Variants in DSG3 observed in about 807,000 individuals in gnomAD.
The protein encoded by DSG3 is desmoglein 3.
A neutral mutation model predicts 85.9 loss-of-function variants in DSG3; 63 were observed. The ratio of observed to expected loss-of-function variants is 0.73; its 90% CI spans 0.60 to 0.90. The LOEUF (loss-of-function observed/expected upper bound fraction) is 0.90. Ranked by LOEUF, DSG3 falls within the 40% of genes least tolerant of loss-of-function variation. The pLI, the probability that DSG3 is intolerant of heterozygous loss-of-function variation, is 0.00. For missense variants in DSG3, 1,220 were observed against 1,219.9 expected (o/e 1.00, Z 0.00); for synonymous variants, 447 against 441.9 (o/e 1.01, Z -0.14).
In DSG3 at chr18:31,478,336, G is replaced by A. The variant is rs77344536; in HGVS notation, c.*2076G>A. On this transcript the variant is annotated 3_prime_UTR_variant, in exon 16 of 16. Transcript: ENST00000257189. ...CATAACCTTCATTTGAAGTTCAAAG[G>A]TGTATTCAGGATCCTCAAAGCATTT... is the stretch of plus-strand genomic sequence containing the variant. The A allele has an allele frequency of 3.8e-4, 58 of 152,280 alleles. No homozygotes were observed. The highest frequency in any genetic ancestry group is 1.3e-3 in the African/African-American group (55 of 41,570). 9.4% of individuals were successfully genotyped at this position (152,280 alleles called of 1,614,324 possible). A position where few individuals can be genotyped will look rare whatever the true frequency, so the allele number is the denominator to read the frequency against.
chr18:31,456,249 A>T (rs570787837), intron 1 of DSG3, among the ~76,000 whole-genome samples, 191 bp from the exon 2 acceptor site: 1 of 152,368 alleles, frequency 6.6e-6, no homozygotes, highest in Admixed American at 6.5e-5. Context: ...GAATGTGTTT[A>T]TATTGACAGT....
At chr18:31,466,441 G>A (rs1598783119) in intron 10 of DSG3, 89 bp from the exon 11 acceptor site, 1 of 1,129,984 alleles carries the variant, frequency 8.8e-7, no homozygotes, top group East Asian at 2.4e-5. Flanking sequence ...CACTGAGTTG[G>A]CTACAGAAAA....
chr18:31,472,643 A>G, intron 13 of DSG3, 82 bp from the exon 14 acceptor site: 1 of 1,445,128 alleles, frequency 6.9e-7, no homozygotes. Context: ...TCATTTACAA[A>G]TTTGCAAAGG....
chr18:31,475,917 A>T lies in DSG3; in HGVS notation c.2657A>T (p.His886Leu), dbSNP rs756269509. The change falls in exon 16 of 16, where the codon CAT becomes CTT. Residue 886 changes from histidine to leucine, a missense_variant. Coordinates refer to ENST00000257189, the MANE Select transcript of DSG3 (RefSeq NM_001944.3). ...GGTTATGGGATTGAATCCTGTGGCCATCCCATAGAAGTCCAGCAGACAGGA... is the reference window on the plus strand; with the variant it reads ...GGTTATGGGATTGAATCCTGTGGCCTTCCCATAGAAGTCCAGCAGACAGGA... ...DSGYGIESCG[H>L]PIEVQQTGFV... is the part of the protein sequence containing the mutation. 1.9e-6 allele frequency: 3 copies of T among 1,614,236 alleles called. No homozygotes were observed. In the Admixed American group the frequency reaches 5.0e-5, roughly 27 times the overall value.
intron 10 of DSG3, 85 bp from the exon 11 acceptor site, chr18:31,466,445 C>A: frequency 2.5e-6 from 3 of 1,221,978 alleles, no homozygotes; most frequent in South Asian, 1.3e-5. Context: ...GAGTTGGCTA[C>A]AGAAAAGAGA....
intron 11 of DSG3, among the ~76,000 whole-genome samples, chr18:31,467,068 C>T (rs967303844): frequency 4.6e-5 from 7 of 152,192 alleles, no homozygotes; most frequent in South Asian, 2.1e-4. Flanking sequence ...AGGTGGGGCA[C>T]GGTGGCTCAC....
intron 14 of DSG3, among the ~76,000 whole-genome samples, chr18:31,473,161 A>G (rs578178674): frequency 6.6e-6 from 1 of 152,242 alleles, no homozygotes; most frequent in Non-Finnish European, 1.5e-5. Flanking sequence ...CCACCACCCA[A>G]CTTTGTCTTT....
chr18:31,466,489 G>A (rs1406234000), intron 10 of DSG3, 41 bp from the exon 11 acceptor site: 1 of 1,567,106 alleles, frequency 6.4e-7, no homozygotes, highest in Non-Finnish European at 8.8e-7. Flanking sequence ...GTACAACTTT[G>A]TTCTATACAT....
chr18:31,476,844 A>C lies in DSG3; in HGVS notation c.*584A>C, dbSNP rs1360015999. The C allele has an allele frequency of 1.3e-5, 2 of 152,052 alleles. No homozygotes were observed. The highest frequency in any genetic ancestry group is 2.9e-5 in the Non-Finnish European group (2 of 68,010). The allele number at this position is 152,052 out of a possible 1,614,324, so 9.4% of individuals were successfully genotyped here. A position where few individuals can be genotyped will look rare whatever the true frequency, so the allele number is the denominator to read the frequency against. The stretch of plus-strand genomic sequence containing the variant: ...CGCAGTGGCGGGCGCCTGTAGTCCC[A>C]GCTACTCGGGAGGCTGAGGCAGGAG... On this transcript the variant is annotated 3_prime_UTR_variant, in exon 16 of 16. Transcript: ENST00000257189.
At chr18:31,465,605 G>C in intron 10 of DSG3, 148 bp downstream of exon 10, 2 of 716,878 alleles carry the variant, frequency 2.8e-6, no homozygotes, top group African/African-American at 3.7e-5. Flanking sequence ...GTTTGAGGCA[G>C]CTGAATCCGG....
At chr18:31,458,916 A>G in intron 4 of DSG3, 117 bp from the exon 5 acceptor site, 2 of 1,306,054 alleles carry the variant, frequency 1.5e-6, no homozygotes, top group Non-Finnish European at 2.1e-6. Context: ...CTTTGGGGAA[A>G]CATTTCTTCT....
intron 1 of DSG3, among the ~76,000 whole-genome samples, chr18:31,452,977 T>C (rs1307141059): frequency 2.0e-5 from 3 of 152,210 alleles, no homozygotes; most frequent in Non-Finnish European, 4.4e-5. Flanking sequence ...TTATTGGAAA[T>C]TGAATTCTTC....
chr18:31,464,410 T>C, intron 9 of DSG3, 28 bp downstream of exon 9: 1 of 1,580,312 alleles, frequency 6.3e-7, no homozygotes, highest in Non-Finnish European at 8.6e-7. Flanking sequence ...TATATCCTAT[T>C]TCTTGATGAG....
Position 31,456,998 on chromosome 18 carries a change from A to G in DSG3, c.90A>G (p.Lys30=), listed in dbSNP as rs2072746103. The G allele has an allele frequency of 1.2e-6, 2 of 1,604,500 alleles. No homozygotes were observed. Among genetic ancestry groups the G allele is most frequent in the Non-Finnish European group, 1.7e-6 (2 of 1,177,194 alleles). The change falls in exon 3 of 16, where the codon AAA becomes AAG. Residue 30 remains lysine (K), a synonymous_variant. Transcript: ENST00000257189. The part of the protein sequence containing the change: ...LVHGELRIET[K]GQYDEEEMTM... Reference sequence around the variant, plus strand: ...GGAATCCCTTTTTACATAAGACTAAAGGTCAATATGATGAAGAAGAGATGA... The same window carrying G: ...GGAATCCCTTTTTACATAAGACTAAGGGTCAATATGATGAAGAAGAGATGA...
At chr18:31,457,958 T>C (rs72925127) in intron 3 of DSG3, among the ~76,000 whole-genome samples, 10,462 of 152,072 alleles carry the variant, frequency 0.069, 799 homozygotes, top group African/African-American at 0.2. Flanking sequence ...TACATATATT[T>C]CACATTTTTC....
rs2072804405 is a variant in DSG3, at chr18:31,464,391, A to G, written c.1271+9A>G. 1.9e-6 allele frequency: 3 copies of G among 1,598,146 alleles called. No individual in the cohort carries two copies. The highest frequency in any genetic ancestry group is 2.3e-5 in the South Asian group (2 of 88,520). On this transcript the variant is annotated intron_variant, in intron 9 of 15. Coordinates refer to ENST00000257189, the MANE Select transcript of DSG3 (RefSeq NM_001944.3). The stretch of plus-strand genomic sequence containing the variant: ...GCTGCCTCAAATGTCAAGTAAGACT[A>G]TTTTTATTTATATCCTATTTCTTGA...
At position 31,464,406 on chromosome 18, in the gene DSG3, C is replaced by T. The variant is rs760569162; in HGVS notation, c.1271+24C>T. ...AAGTAAGACTATTTTTATTTATATCCTATTTCTTGATGAGGTTTTAATCTA... is the reference window on the plus strand; with the variant it reads ...AAGTAAGACTATTTTTATTTATATCTTATTTCTTGATGAGGTTTTAATCTA... On this transcript the variant is annotated intron_variant, in intron 9 of 15. Transcript: ENST00000257189. The T allele has an allele frequency of 2.0e-5, 31 of 1,583,894 alleles. No individual in the cohort carries two copies. The South Asian group carries it at 3.5e-4, about 18-fold the overall frequency.
chr18:31,457,940 T>G (rs968781243), intron 3 of DSG3, among the ~76,000 whole-genome samples: 2 of 152,198 alleles, frequency 1.3e-5, no homozygotes, highest in Admixed American at 1.3e-4. Context: ...GTTATACTGT[T>G]CTAACTTTAC....
At chr18:31,467,937 G>A (rs1470401290) in intron 11 of DSG3, among the ~76,000 whole-genome samples, 1 of 152,198 alleles carries the variant, frequency 6.6e-6, no homozygotes, top group Non-Finnish European at 1.5e-5. Context: ...TGAGTTTACT[G>A]GATACGTGGC....
Sources: allele counts gnomAD v4.1 joint callset (sites outside exome capture counted in the v4.1 genomes callset), GRCh38; gene constraint gnomAD v4.1.1; transcripts MANE v1.5; gene names NCBI Gene and HGNC (gene_info 2026-07-23, HGNC 2026-07-21).